The following PRKDC variants were observed in gnomAD, a reference collection of about 807,000 sequenced individuals.
PRKDC encodes DNA-dependent protein kinase catalytic subunit.
In PRKDC, 82 loss-of-function variants were observed where a neutral mutation model predicts 486.9. The ratio of observed to expected loss-of-function variants is 0.17; its 90% confidence interval spans 0.14 to 0.20. PRKDC has a LOEUF of 0.20. PRKDC is among the 10% of genes least tolerant of loss of function. PRKDC has a pLI of 1.00. For synonymous variants in PRKDC, 1,895 were observed against 1,837.0 expected, an observed-to-expected ratio of 1.03 and a Z score of -0.81; for missense variants, 4,504 against 5,038.2, an observed-to-expected ratio of 0.89 and a Z score of 3.21.
At chr8:47,957,110 C>T in intron 3 of PRKDC, 61 bp downstream of exon 3, 3 of 1,144,838 alleles carry the variant, frequency 2.6e-6, no homozygotes, top group East Asian at 2.5e-5. Context: ...AAGTTCCTCA[C>T]ACCATAAGTT....
rs141541417 is a variant in PRKDC, at chr8:47,854,389, G to A, written c.6762-175C>T. Among the ~76,000 whole-genome samples, 8 of 152,272 alleles carry A rather than the reference G, an allele frequency of 5.3e-5. No homozygotes were observed. The East Asian group carries it at 1.5e-3, about 29-fold the overall frequency. On this transcript the variant is annotated intron_variant, in intron 50 of 85. Coordinates refer to ENST00000314191, the MANE Select transcript of PRKDC (RefSeq NM_006904.7). ...GTCTCGCTTTGTCGCCCAGGCTGGA[G>A]TGCAGTTGGCATGATCTCGGCTTGC...
At chr8:47,897,324 C>A (rs781650568) in intron 29 of PRKDC, 30 bp from the exon 30 acceptor site, 4 of 1,517,728 alleles carry the variant, frequency 2.6e-6, no homozygotes, top group Non-Finnish European at 3.6e-6. Context: ...TGTCATTAGT[C>A]CCTCTCCAAC....
At chr8:47,959,055 A>C (rs1203054977) in intron 1 of PRKDC, 1 of 152,052 alleles carries the variant, frequency 6.6e-6, no homozygotes, top group East Asian at 1.9e-4. Flanking sequence ...ATCTAGTTTA[A>C]ACTGTTTAAG....
chr8:47,941,218 A>G (rs1470743065), intron 10 of PRKDC, among the ~76,000 whole-genome samples: 1 of 152,058 alleles, frequency 6.6e-6, no homozygotes, highest in Non-Finnish European at 1.5e-5. Context: ...CATAGTGGAA[A>G]AAAGGCCAAA....
Position 47,852,774 on chromosome 8 carries a change from C to T in PRKDC, c.6904G>A (p.Ala2302Thr), listed in dbSNP as rs2154500334. 6.4e-7 allele frequency: 1 copy of T among 1,561,774 alleles called. No individual in the cohort carries two copies. Among genetic ancestry groups the T allele is most frequent in the Admixed American group, 1.9e-5 (1 of 52,738 alleles). ...ACAAAGGACATATTATTCACCAAAG[C>T]CTGGAAGTATCTACAATAAACACAG... ...CGIQSSEYFQALVNNMSFVRY... is the reference protein window; with the variant it reads ...CGIQSSEYFQTLVNNMSFVRY... The change falls in exon 52 of 86, where the codon GCT (alanine) becomes ACT (threonine). Residue 2302 changes from alanine to threonine, a missense_variant. This residue lies in a region of PRKDC where 1,592 missense variants were observed against 1,724.6 expected (regional missense o/e 0.92). Transcript: ENST00000314191.
chr8:47,932,509 G>A (rs1016882639), intron 16 of PRKDC, among the ~76,000 whole-genome samples: 3 of 152,230 alleles, frequency 2.0e-5, no homozygotes, highest in Non-Finnish European at 4.4e-5. Context: ...CAGCTACCGC[G>A]CCAGGCCTAA....
rs1197163824 is a variant in PRKDC at position 47,812,315 on chromosome 8, A to T, written c.9558-4989T>A. Among the ~76,000 whole-genome samples the T allele has an allele frequency of 6.6e-5, 10 of 152,324 alleles. No homozygotes were observed. The East Asian group carries it at 1.9e-3, about 29-fold the overall frequency. ...AAATTTATAAAACCTGATACCCAGG[A>T]ACTGCAGAATATACAAAAATTTTCA... On this transcript the variant is annotated intron_variant, in intron 68 of 85. Transcript: ENST00000314191.
chr8:47,864,874 T>A, intron 40 of PRKDC, 111 bp from the exon 41 acceptor site: 3 of 994,168 alleles, frequency 3.0e-6, no homozygotes, highest in Non-Finnish European at 4.3e-6. Context: ...ATTACAAAAA[T>A]AACTTTAAGG....
rs376535600 is a variant in PRKDC, at chr8:47,830,739, A to G, written c.8266-3T>C. ...ATTTTTAACTCACTCTTGATTTCCT[A>G]TAAGCACCAGAACCAAAGAAGAAGA... On this transcript the variant is annotated splice_polypyrimidine_tract_variant and splice_region_variant and intron_variant, in intron 60 of 85. Coordinates refer to ENST00000314191, the MANE Select transcript of PRKDC (RefSeq NM_006904.7). The G allele has an allele frequency of 4.3e-6, 7 of 1,613,754 alleles. No homozygotes were observed. The highest frequency in any genetic ancestry group is 1.3e-5 in the African/African-American group (1 of 74,876).
chr8:47,902,832 T>TTTA lies in PRKDC; in HGVS notation c.3043-40_3043-38dup, dbSNP rs991930846. The TTTA allele has an allele frequency of 2.7e-6, 4 of 1,504,814 alleles. No individual in the cohort carries two copies. In the African/African-American group the frequency reaches 5.6e-5, roughly 21 times the overall value. 93.2% of individuals were successfully genotyped at this position (1,504,814 alleles called of 1,614,324 possible). On this transcript the variant is annotated intron_variant, in intron 26 of 85. Coordinates refer to ENST00000314191, the MANE Select transcript of PRKDC (RefSeq NM_006904.7). ...CAAAGAGACCTTGATTGTACTAATT[T>TTTA]TTATAACCACTGACAACTGAATACC...
At chr8:47,896,025 C>T (rs1239999417) in intron 30 of PRKDC, among the ~76,000 whole-genome samples, 1 of 151,792 alleles carries the variant, frequency 6.6e-6, no homozygotes, top group Non-Finnish European at 1.5e-5. Flanking sequence ...GGCGACAGAG[C>T]AAGACTCTGT....
chr8:47,855,128 TTCATG>T, intron 50 of PRKDC, 89 bp downstream of exon 50: 1 of 1,216,454 alleles, frequency 8.2e-7, no homozygotes. Context: ...CTCCTATCAT[TTCATG>T]TAATTAAATT....
Position 47,777,710 on chromosome 8 carries a change from G to A in PRKDC, c.12018C>T (p.Val4006=), listed in dbSNP as rs778150717. The A allele has an allele frequency of 5.0e-6, 8 of 1,592,612 alleles. No individual in the cohort carries two copies. In the Admixed American group the frequency reaches 1.4e-4, roughly 27 times the overall value. The part of the protein sequence containing the change: ...GLLTNTMDVF[V]KEPSFDWKNF... ...CTTTCCAATCAAAGGAGGGCTCCTTGACAAACACATCCATGGTGTTGGTGA... is the reference window on the plus strand; with the variant it reads ...CTTTCCAATCAAAGGAGGGCTCCTTAACAAACACATCCATGGTGTTGGTGA... Residue 4006 remains valine (V), a synonymous_variant, in exon 84 of 86, where the codon GTC becomes GTT. Transcript: ENST00000314191.
rs762274433 is a variant in PRKDC at position 47,837,316 on chromosome 8, G to T, written c.7657C>A (p.His2553Asn). 2 of 1,613,202 alleles carry T rather than the reference G, an allele frequency of 1.2e-6. No homozygotes were observed. Among genetic ancestry groups the T allele is most frequent in the Admixed American group, 3.3e-5 (2 of 60,006 alleles). Residue 2553 changes from histidine to asparagine, a missense_variant, in exon 57 of 86, where the codon CAC becomes AAC. By Grantham distance (68) the His-to-Asn change is moderately conservative. Transcript: ENST00000314191. ...NSLYSPKIEV[H>N]FLSLATNFLL... is the part of the protein sequence containing the mutation. ...AAATTTGTTGCTAAACTTAAAAAGT[G>T]CACTTCTATCTTAGGAGAATATAAG...
chr8:47,943,866 A>G lies in PRKDC; in HGVS notation c.795T>C (p.Tyr265=), dbSNP rs778527607. The G allele has an allele frequency of 8.2e-6, 13 of 1,592,346 alleles. No homozygotes were observed. The highest frequency in any genetic ancestry group is 2.3e-5 in the East Asian group (1 of 44,268). ...AIRPQIDLKR[Y]AVPSAGLRLF... ...ACAGAATCCTACCTGAGGGCACAGC[A>G]TATCTCTTCAGATCAATCTATTTTA... The change falls in exon 9 of 86, where the codon TAT becomes TAC. Residue 265 remains tyrosine (Y), a synonymous_variant. Coordinates refer to ENST00000314191, the MANE Select transcript of PRKDC (RefSeq NM_006904.7).
chr8:47,889,080 G>C lies in PRKDC; in HGVS notation c.4214C>G (p.Ala1405Gly). Residue 1405 changes from alanine (A) to glycine (G), a missense_variant, in exon 33 of 86, where the codon GCT (alanine) becomes GGT (glycine). Coordinates refer to ENST00000314191, the MANE Select transcript of PRKDC (RefSeq NM_006904.7). ...LPDVCVNLMK[A>G]LKMSPYKDIL... is the part of the protein sequence containing the mutation. ...ATCTTTGTATGGGGACATCTTTAGA[G>C]CTTTCATCAGATTCACACAAACATC... 6.2e-7 allele frequency: 1 copy of C among 1,613,922 alleles called. No individual in the cohort carries two copies. The highest frequency in any genetic ancestry group is 1.1e-5 in the South Asian group (1 of 91,084).
At chr8:47,848,519 C>G (rs2088325947) in intron 54 of PRKDC, among the ~76,000 whole-genome samples, 1 of 152,062 alleles carries the variant, frequency 6.6e-6, no homozygotes, top group Non-Finnish European at 1.5e-5. Context: ...AGTTGAAAAA[C>G]TAACTACTAG....
At chr8:47,938,557 A>AT (rs1310531221) in intron 11 of PRKDC, among the ~76,000 whole-genome samples, 1 of 152,012 alleles carries the variant, frequency 6.6e-6, no homozygotes, top group Non-Finnish European at 1.5e-5. Context: ...TATTCTCAAT[A>AT]TTTTTTCTTT....
Position 47,888,513 on chromosome 8 carries a change from G to A in PRKDC, c.4413+5C>T. 1 of 1,521,800 alleles carries A rather than the reference G, an allele frequency of 6.6e-7. No homozygotes were observed. The highest frequency in any genetic ancestry group is 8.8e-7 in the Non-Finnish European group (1 of 1,131,062). The allele number at this position is 1,521,800 out of a possible 1,614,324, so 94.3% of individuals were successfully genotyped here. ...ATAAATGTAAAAACAATAAGTTATA[G>A]TTACCTGAGACGGTAATATATTATG... On this transcript the variant is annotated splice_donor_5th_base_variant and intron_variant, in intron 34 of 85. Transcript: ENST00000314191.
Sources: allele counts gnomAD v4.1 joint callset (sites outside exome capture counted in the v4.1 genomes callset), GRCh38; gene constraint gnomAD v4.1.1; regional missense constraint gnomAD v4.1.1; transcripts MANE v1.5; gene names NCBI Gene and HGNC (gene_info 2026-07-23, HGNC 2026-07-21).